Variants in HYLS1 observed in about 807,000 individuals in gnomAD.
HYLS1 encodes the protein HYLS1 centriolar and ciliogenesis associated, also known as centriolar and ciliogenesis-associated protein HYLS1.
In HYLS1, 25 loss-of-function variants were observed where a neutral mutation model predicts 29.4. The ratio of observed to expected loss-of-function variants is 0.85; its 90% confidence interval spans 0.62 to 1.19. The LOEUF (loss-of-function observed/expected upper bound fraction) is 1.19, where lower values mean the gene tolerates loss of function less well. Ranked by LOEUF, HYLS1 falls within the 50% of genes most tolerant of loss-of-function variation. The pLI is 0.00. For missense variants in HYLS1, 352 were observed against 365.1 expected (o/e 0.96, Z 0.29); for synonymous variants, 128 against 126.7 (o/e 1.01, Z -0.07).
intron 1 of HYLS1, among the ~76,000 whole-genome samples, chr11:125,890,168 C>T (rs1944385009): frequency 1.3e-5 from 2 of 152,082 alleles, no homozygotes; most frequent in Non-Finnish European, 2.9e-5. Context: ...TCTTGAACTC[C>T]TTCACAGCCT....
In HYLS1 at chr11:125,900,456, A is replaced by G. The variant is rs1383878548; in HGVS notation, c.*188A>G. On this transcript the variant is annotated 3_prime_UTR_variant, in exon 3 of 3. Transcript: ENST00000425380. ...ATGATACTTCCAAATTGCCACTCAAATCCAGCAATTGCAAGATAAATCATA... is the reference window on the plus strand; with the variant it reads ...ATGATACTTCCAAATTGCCACTCAAGTCCAGCAATTGCAAGATAAATCATA... The G allele has an allele frequency of 3.3e-6, 2 of 600,772 alleles. No homozygotes were observed. The highest frequency in any genetic ancestry group is 6.0e-5 in the East Asian group (2 of 33,546). The allele number at this position is 600,772 out of a possible 1,614,324, so 37.2% of individuals were successfully genotyped here. A position where few individuals can be genotyped will look rare whatever the true frequency, so the allele number is the denominator to read the frequency against.
At chr11:125,885,690 C>T (rs184121920), upstream of HYLS1, among the ~76,000 whole-genome samples, 18 of 152,352 alleles carry the variant, frequency 1.2e-4, no homozygotes, top group Non-Finnish European at 1.9e-4. Context: ...CCCCAGGCCA[C>T]GGACAGGCAC....
upstream of HYLS1, among the ~76,000 whole-genome samples, chr11:125,884,573 C>G (rs763810254): frequency 1.4e-4 from 22 of 152,242 alleles, no homozygotes; most frequent in Non-Finnish European, 2.6e-4. Context: ...AGCGCCACTG[C>G]AGTCCGGCCT....
At chr11:125,899,201 T>C in intron 2 of HYLS1, 143 bp from the exon 3 acceptor site, 1 of 627,718 alleles carries the variant, frequency 1.6e-6, no homozygotes, top group East Asian at 2.7e-5. Flanking sequence ...CTCTAAACTG[T>C]TCTGATACTA....
intron 1 of HYLS1, among the ~76,000 whole-genome samples, chr11:125,888,760 CT>C (rs1410538831): frequency 4.8e-4 from 10 of 20,698 alleles, no homozygotes; most frequent in African/African-American, 2.1e-3. Flanking sequence ...CCGAGCAAGA[CT>C]CTTGTCTCAA....
intron 2 of HYLS1, chr11:125,899,007 C>A: frequency 5.0e-6 from 1 of 198,236 alleles, no homozygotes; most frequent in Non-Finnish European, 1.0e-5. Context: ...ATAAAGTACT[C>A]CCTAAGTACC....
chr11:125,899,853 G>A lies in HYLS1; in HGVS notation c.485G>A (p.Gly162Glu). 2 of 1,614,136 alleles carry A rather than the reference G, an allele frequency of 1.2e-6. No homozygotes were observed. The highest frequency in any genetic ancestry group is 2.2e-5 in the East Asian group (1 of 44,876). ...QKFNLPHEYQGISQDQLICSL... is the reference protein window; with the variant it reads ...QKFNLPHEYQEISQDQLICSL... ...TTTAACCTACCACATGAATACCAAG[G>A]AATTTCTCAAGATCAGCTCATTTGC... Residue 162 changes from glycine to glutamate, a missense_variant, in exon 3 of 3, where the codon GGA becomes GAA. Physicochemically the swap from Gly to Glu is moderately conservative, Grantham distance 98. Transcript: ENST00000425380.
chr11:125,894,252 A>G, intron 2 of HYLS1: 1 of 1,612,380 alleles, frequency 6.2e-7, no homozygotes, highest in South Asian at 1.1e-5. Flanking sequence ...TCAAACTTAC[A>G]GTCATATAAG....
intron 1 of HYLS1, among the ~76,000 whole-genome samples, chr11:125,889,454 C>T (rs770334061): frequency 1.3e-5 from 2 of 152,076 alleles, no homozygotes; most frequent in Admixed American, 6.6e-5. Context: ...CAAACTGGGC[C>T]GGGCGCGGTG....
intron 2 of HYLS1, chr11:125,896,379 A>T: frequency 1.7e-6 from 2 of 1,210,312 alleles, no homozygotes; most frequent in Non-Finnish European, 2.3e-6. Flanking sequence ...AGTTCCTTTG[A>T]TGATGTTCTA....
chr11:125,900,532 G>A lies in HYLS1; in HGVS notation c.*264G>A. 1 of 460,174 alleles carries A rather than the reference G, an allele frequency of 2.2e-6. No individual in the cohort carries two copies. Among genetic ancestry groups the A allele is most frequent in the Non-Finnish European group, 4.1e-6 (1 of 244,536 alleles). The allele number at this position is 460,174 out of a possible 1,614,324, so 28.5% of individuals were successfully genotyped here. ...CTTTCTATTTTGTCAAATTAGTAAG[G>A]GCCCTTTGTGTCCTGTAACTTTTTT... On this transcript the variant is annotated 3_prime_UTR_variant, in exon 3 of 3. Transcript: ENST00000425380.
chr11:125,898,285 G>C (rs772284651), intron 2 of HYLS1, among the ~76,000 whole-genome samples: 1 of 152,206 alleles, frequency 6.6e-6, no homozygotes, highest in Non-Finnish European at 1.5e-5. Flanking sequence ...ACCTATCTCA[G>C]ATCCAGTCAG....
intron 2 of HYLS1, chr11:125,893,583 C>A: frequency 2.1e-6 from 1 of 466,826 alleles, no homozygotes; most frequent in Non-Finnish European, 3.7e-6. Flanking sequence ...TCGCTTAATC[C>A]TTTTGGACCG....
rs745534914 is a variant in HYLS1, at chr11:125,896,058, T to C, written c.-25-3286T>C. The C allele has an allele frequency of 6.8e-6, 11 of 1,614,122 alleles. No homozygotes were observed. The highest frequency in any genetic ancestry group is 9.3e-6 in the Non-Finnish European group (11 of 1,180,050). ...GTTTTCCTGACTAGCAAAGCCCTGGTATCCCCAGCCCATATAGGCTATTCT... is the reference window on the plus strand; with the variant it reads ...GTTTTCCTGACTAGCAAAGCCCTGGCATCCCCAGCCCATATAGGCTATTCT... On this transcript the variant is annotated intron_variant, in intron 2 of 2. Transcript: ENST00000425380.
chr11:125,891,729 C>T (rs1440758428), intron 2 of HYLS1, among the ~76,000 whole-genome samples: 1 of 152,094 alleles, frequency 6.6e-6, no homozygotes, highest in Non-Finnish European at 1.5e-5. Flanking sequence ...TAATTTGTAC[C>T]ACTAATTCCC....
chr11:125,890,920 G>T (rs1035816220), intron 1 of HYLS1, among the ~76,000 whole-genome samples: 8 of 149,802 alleles, frequency 5.3e-5, no homozygotes, highest in South Asian at 2.1e-4. Flanking sequence ...TGTATAGTAG[G>T]ACACATGCCA....
intron 2 of HYLS1, chr11:125,895,713 T>G: frequency 6.2e-7 from 1 of 1,613,840 alleles, no homozygotes; most frequent in Non-Finnish European, 8.5e-7. Flanking sequence ...AGCAGCAGCA[T>G]TAGCCTCCTC....
At chr11:125,896,883 G>A (rs557727815) in intron 2 of HYLS1, among the ~76,000 whole-genome samples, 2 of 152,242 alleles carry the variant, frequency 1.3e-5, no homozygotes, top group South Asian at 4.2e-4. Flanking sequence ...TTTCACATTG[G>A]AAGTAGAAGC....
upstream of HYLS1, among the ~76,000 whole-genome samples, chr11:125,884,715 G>C (rs934556871): frequency 8.5e-5 from 13 of 152,230 alleles, no homozygotes; most frequent in Non-Finnish European, 2.9e-5. Context: ...CTCAGTATTT[G>C]CTTCAAAATA....
Sources: allele counts gnomAD v4.1 joint callset (sites outside exome capture counted in the v4.1 genomes callset), GRCh38; gene constraint gnomAD v4.1.1; transcripts MANE v1.5; gene names NCBI Gene and HGNC (gene_info 2026-07-23, HGNC 2026-07-21).